Variants in SVIP observed in about 807,000 individuals in gnomAD.
The protein encoded by SVIP is small VCP interacting protein.
In SVIP, 14 loss-of-function variants were observed where a neutral mutation model predicts 12.9. The observed-to-expected ratio is 1.08, with a 90% CI of 0.72 to 1.70. The LOEUF (loss-of-function observed/expected upper bound fraction) is 1.70. SVIP is among the 40% of genes most tolerant of loss of function. The probability of loss-of-function intolerance (pLI) is 0.00; values close to 1 mark genes in which losing one functional copy is unlikely to be tolerated. For synonymous variants in SVIP, 35 were observed against 33.3 expected, an observed-to-expected ratio of 1.05 and a Z score of -0.17; for missense variants, 93 against 90.8, an observed-to-expected ratio of 1.02 and a Z score of -0.10.
At chr11:22,828,786 A>C (rs1490145308) in intron 1 of SVIP, among the ~76,000 whole-genome samples, 2 of 152,168 alleles carry the variant, frequency 1.3e-5, no homozygotes, top group African/African-American at 4.8e-5. Flanking sequence ...ATAAGTACTA[A>C]ATTTTTAGTA....
At chr11:22,827,057 G>A in intron 3 of SVIP, 150 bp downstream of exon 3, 1 of 590,208 alleles carries the variant, frequency 1.7e-6, no homozygotes, top group Non-Finnish European at 3.0e-6. Context: ...AAAATAAATT[G>A]GTATTACTTC....
rs759825093 is a variant in SVIP, at chr11:22,819,952, A to G, written c.*3167T>C. ...AGGGAGACTAGAACAATAAAAAGCC[A>G]TATCAAATGGGAAACTTAGTGTTTT... On this transcript the variant is annotated 3_prime_UTR_variant, in exon 4 of 4. Coordinates refer to ENST00000354193, the MANE Select transcript of SVIP (RefSeq NM_148893.3). 2.0e-5 allele frequency: 3 copies of G among 152,232 alleles called. No homozygotes were observed. The highest frequency in any genetic ancestry group is 4.4e-5 in the Non-Finnish European group (3 of 68,034). The allele number at this position is 152,232 out of a possible 1,614,324, so 9.4% of individuals were successfully genotyped here. A position where few individuals can be genotyped will look rare whatever the true frequency, so the allele number is the denominator to read the frequency against.
chr11:22,827,637 T>A (rs553459377), intron 2 of SVIP, among the ~76,000 whole-genome samples, 187 bp downstream of exon 2: 4 of 152,160 alleles, frequency 2.6e-5, no homozygotes, highest in Non-Finnish European at 5.9e-5. Flanking sequence ...AGTTTTCATA[T>A]ATTAATATAA....
chr11:22,825,422 A>G (rs1450109104), intron 3 of SVIP, among the ~76,000 whole-genome samples: 1 of 152,142 alleles, frequency 6.6e-6, no homozygotes, highest in East Asian at 1.9e-4. Context: ...GATGAGGAAT[A>G]TTCCAAGGAA....
intron 1 of SVIP, chr11:22,829,444 G>GTT (rs1388511375): frequency 7.1e-6 from 3 of 420,308 alleles, no homozygotes; most frequent in Admixed American, 8.8e-5. Flanking sequence ...GTCAGTGGAA[G>GTT]GTAGAAAGAC....
rs1857744142 is a variant in SVIP, at chr11:22,827,199, ATACT to A, written c.219+4_219+7del. Reference sequence around the variant, plus strand: ...TAAGTTAATCACTAAGAAAATTTTAATACTTACCCTAAGTCCACCTTCTGGTGGG... The same window carrying A: ...TAAGTTAATCACTAAGAAAATTTTAATACCCTAAGTCCACCTTCTGGTGGG... On this transcript the variant is annotated splice_donor_5th_base_variant and intron_variant, in intron 3 of 3. Transcript: ENST00000354193. The A allele has an allele frequency of 3.1e-6, 5 of 1,600,056 alleles. No homozygotes were observed. In the East Asian group the frequency reaches 9.0e-5, roughly 29 times the overall value.
Position 22,819,792 on chromosome 11 carries a change from A to G in SVIP, c.*3327T>C, listed in dbSNP as rs1233661916. On this transcript the variant is annotated 3_prime_UTR_variant, in exon 4 of 4. Coordinates refer to ENST00000354193, the MANE Select transcript of SVIP (RefSeq NM_148893.3). ...CATCTCAAAAAACAAAACAAAACCA[A>G]AAAAAGCCAATGCAATTCAGGATAT... 6.5e-6 allele frequency: 1 copy of G among 152,672 alleles called. No homozygotes were observed. Among genetic ancestry groups the G allele is most frequent in the African/African-American group, 2.4e-5 (1 of 41,470 alleles). The allele number at this position is 152,672 out of a possible 1,614,324, so 9.5% of individuals were successfully genotyped here. A position where few individuals can be genotyped will look rare whatever the true frequency, so the allele number is the denominator to read the frequency against.
intron 1 of SVIP, among the ~76,000 whole-genome samples, chr11:22,828,108 ACTCT>A (rs1857791717): frequency 1.3e-5 from 2 of 152,152 alleles, no homozygotes; most frequent in Non-Finnish European, 2.9e-5. Flanking sequence ...TCATTTATTT[ACTCT>A]CTTTTTTAAT....
chr11:22,829,309 TA>T (rs1261998601), intron 1 of SVIP: 4 of 190,068 alleles, frequency 2.1e-5, no homozygotes, highest in Admixed American at 1.2e-4. Context: ...CCTAGACGAC[TA>T]AAGAGCTCCC....
chr11:22,829,237 A>G (rs77764479), intron 1 of SVIP: 2,294 of 156,360 alleles, frequency 0.015, 68 homozygotes, highest in African/African-American at 0.052. Flanking sequence ...GCTCAGGCGT[A>G]TAAGCGACTT....
intron 2 of SVIP, 96 bp from the exon 3 acceptor site, chr11:22,827,416 T>G (rs1423015258): frequency 6.0e-6 from 6 of 1,007,010 alleles, no homozygotes; most frequent in Admixed American, 2.5e-5. Context: ...AGGTTTTTCT[T>G]TGGGGGTAGG....
intron 1 of SVIP, 66 bp downstream of exon 1, chr11:22,829,629 G>T (rs924964222): frequency 2.7e-6 from 4 of 1,489,912 alleles, no homozygotes; most frequent in African/African-American, 1.4e-5. Flanking sequence ...GGCTCGGCCC[G>T]CCCCGCAACC....
chr11:22,819,509 T>C lies in SVIP; in HGVS notation c.*3610A>G. 1 of 152,412 alleles carries C rather than the reference T, an allele frequency of 6.6e-6. No homozygotes were observed. The highest frequency in any genetic ancestry group is 1.5e-5 in the Non-Finnish European group (1 of 68,116). The allele number at this position is 152,412 out of a possible 1,614,324, so 9.4% of individuals were successfully genotyped here. On this transcript the variant is annotated 3_prime_UTR_variant, in exon 4 of 4. Coordinates refer to ENST00000354193, the MANE Select transcript of SVIP (RefSeq NM_148893.3). The stretch of plus-strand genomic sequence containing the variant: ...AATGCAGGCCGGGCGCGGTGGCTCA[T>C]GCCTGTAATCCCAGCACTTTGGGAG...
chr11:22,822,941 G>A lies in SVIP; in HGVS notation c.*178C>T, dbSNP rs536712888. The stretch of plus-strand genomic sequence containing the variant: ...TAGGAAAATCAGTATTTAATGAAAA[G>A]TCTAGCCATTCTCTAAGCTTGAAAA... On this transcript the variant is annotated 3_prime_UTR_variant, in exon 4 of 4. Coordinates refer to ENST00000354193, the MANE Select transcript of SVIP (RefSeq NM_148893.3). 4 of 545,542 alleles carry A rather than the reference G, an allele frequency of 7.3e-6. No individual in the cohort carries two copies. The highest frequency in any genetic ancestry group is 6.4e-6 in the Non-Finnish European group (2 of 314,256). The allele number at this position is 545,542 out of a possible 1,614,324, so 33.8% of individuals were successfully genotyped here.
chr11:22,820,298 T>C lies in SVIP; in HGVS notation c.*2821A>G, dbSNP rs1400297151. ...ATCAGTGAAAATAAAAAGTCAAACATTTGGAGAAAGGGAAAATTCAAAGTT... is the reference window on the plus strand; with the variant it reads ...ATCAGTGAAAATAAAAAGTCAAACACTTGGAGAAAGGGAAAATTCAAAGTT... On this transcript the variant is annotated 3_prime_UTR_variant, in exon 4 of 4. Coordinates refer to ENST00000354193, the MANE Select transcript of SVIP (RefSeq NM_148893.3). 6.6e-6 allele frequency: 1 copy of C among 152,160 alleles called. No individual in the cohort carries two copies. The highest frequency in any genetic ancestry group is 1.5e-5 in the Non-Finnish European group (1 of 68,026). 9.4% of individuals were successfully genotyped at this position (152,160 alleles called of 1,614,324 possible). A position where few individuals can be genotyped will look rare whatever the true frequency, so the allele number is the denominator to read the frequency against.
chr11:22,823,132 C>A lies in SVIP; in HGVS notation c.221G>T (p.Trp74Leu). ...SGPPPEGGLR[W>L]TVS ...TCATGTTATGCTTTATGAAACTGTC[C>A]ACTAGAAAAGATAAAAAAGAGACAG... Residue 74 changes from tryptophan (W) to leucine (L), a missense_variant and splice_region_variant, in exon 4 of 4, where the codon TGG becomes TTG. Coordinates refer to ENST00000354193, the MANE Select transcript of SVIP (RefSeq NM_148893.3). 6.3e-7 allele frequency: 1 copy of A among 1,591,236 alleles called. No individual in the cohort carries two copies. The highest frequency in any genetic ancestry group is 1.1e-5 in the South Asian group (1 of 87,842).
At chr11:22,829,663 G>T in intron 1 of SVIP, 32 bp downstream of exon 1, 1 of 1,562,814 alleles carries the variant, frequency 6.4e-7, no homozygotes, top group Non-Finnish European at 8.7e-7. Flanking sequence ...TCAAGGCGCG[G>T]CCCGGCGGAC....
intron 3 of SVIP, among the ~76,000 whole-genome samples, chr11:22,825,861 C>T (rs1363697404): frequency 3.3e-5 from 5 of 152,186 alleles, no homozygotes; most frequent in Non-Finnish European, 7.3e-5. Context: ...TTCACCACTT[C>T]TACTGTGAAA....
chr11:22,824,463 CAT>C (rs201987220), intron 3 of SVIP, among the ~76,000 whole-genome samples: 1 of 115,100 alleles, frequency 8.7e-6, no homozygotes, highest in African/African-American at 3.0e-5. Flanking sequence ...TATATATACA[CAT>C]ATATATACGT....
Sources: gnomAD v4.1 joint callset for allele counts (sites outside exome capture counted in the v4.1 genomes callset) on GRCh38, gnomAD v4.1.1 for gene constraint, MANE v1.5 for transcripts, NCBI Gene and HGNC (gene_info 2026-07-23, HGNC 2026-07-21) for gene names.